The following DOP1B variants were observed in gnomAD, a reference collection of about 807,000 sequenced individuals.
The protein encoded by DOP1B is protein DOP1B.
DOP1B carries 174 observed loss-of-function variants against 233.5 expected under a neutral mutation model. The ratio of observed to expected loss-of-function variants is 0.75; its 90% CI spans 0.66 to 0.85. The LOEUF (loss-of-function observed/expected upper bound fraction) is 0.85, where lower values mean the gene tolerates loss of function less well. Ranked by LOEUF, DOP1B falls within the 40% of genes least tolerant of loss-of-function variation. The probability of loss-of-function intolerance (pLI) is 0.00; values close to 1 mark genes in which losing one functional copy is unlikely to be tolerated. For synonymous variants in DOP1B, 1,190 were observed against 1,185.6 expected (o/e 1.00, Z -0.08); for missense variants, 2,652 against 2,846.6 (o/e 0.93, Z 1.56).
chr21:36,243,349 A>T (rs1285994529), intron 18 of DOP1B, among the ~76,000 whole-genome samples: 4 of 148,144 alleles, frequency 2.7e-5, no homozygotes, highest in African/African-American at 5.0e-5. Context: ...TGACTCACTA[A>T]TTTTTTTTTC....
At chr21:36,257,883 TTAGG>T (rs770299316) in intron 23 of DOP1B, among the ~76,000 whole-genome samples, 42 of 139,420 alleles carry the variant, frequency 3.0e-4, no homozygotes, top group East Asian at 4.2e-4. Flanking sequence ...GTAGATGTAG[TTAGG>T]TAGGTAGGTA....
chr21:36,164,847 A>T lies in DOP1B; in HGVS notation c.114A>T (p.Ile38=). 6.2e-7 allele frequency: 1 copy of T among 1,611,064 alleles called. No individual in the cohort carries two copies. Among genetic ancestry groups the T allele is most frequent in the African/African-American group, 1.3e-5 (1 of 74,894 alleles). ...CCTCGAGTGAATGGGCGGATCTCATATCTTCACTTGGCAAACTCAACAAGG... is the reference window on the plus strand; with the variant it reads ...CCTCGAGTGAATGGGCGGATCTCATTTCTTCACTTGGCAAACTCAACAAGG... ...FESSSEWADL[I]SSLGKLNKAL... The change falls in exon 2 of 37, where the codon ATA becomes ATT. Residue 38 remains isoleucine, a synonymous_variant. Coordinates refer to ENST00000691173, the MANE Select transcript of DOP1B (RefSeq NM_001320714.2).
chr21:36,163,425 G>A (rs1435053186), intron 1 of DOP1B, among the ~76,000 whole-genome samples: 14 of 151,648 alleles, frequency 9.2e-5, no homozygotes, highest in Admixed American at 7.2e-4. Context: ...GGAAATTGAA[G>A]TATGAGATTT....
intron 2 of DOP1B, among the ~76,000 whole-genome samples, chr21:36,186,964 C>T (rs1277602370): frequency 3.3e-5 from 5 of 152,156 alleles, no homozygotes; most frequent in Middle Eastern, 3.4e-3. Context: ...TTTCGGGGCC[C>T]GTCTTAGGAG....
At chr21:36,277,524 A>G (rs934524567) in intron 28 of DOP1B, among the ~76,000 whole-genome samples, 2 of 151,722 alleles carry the variant, frequency 1.3e-5, no homozygotes, top group Non-Finnish European at 2.9e-5. Flanking sequence ...CTCGTGATCC[A>G]CCCACCTTGG....
chr21:36,212,568 G>A (rs1275215799), intron 7 of DOP1B, among the ~76,000 whole-genome samples: 1 of 152,216 alleles, frequency 6.6e-6, no homozygotes, highest in African/African-American at 2.4e-5. Flanking sequence ...CCATGTTTCT[G>A]TGTGTCAGAG....
At chr21:36,184,717 G>A (rs371221129) in intron 2 of DOP1B, among the ~76,000 whole-genome samples, 20 of 152,308 alleles carry the variant, frequency 1.3e-4, no homozygotes, top group African/African-American at 3.6e-4. Flanking sequence ...CCCGGCATAC[G>A]CAGCAAGTGC....
chr21:36,243,943 A>AGT, intron 18 of DOP1B, among the ~76,000 whole-genome samples: 1 of 151,060 alleles, frequency 6.6e-6, no homozygotes, highest in Admixed American at 6.6e-5. Context: ...CCTCCCAAAC[A>AGT]ATCCTCCTAC....
intron 13 of DOP1B, among the ~76,000 whole-genome samples, chr21:36,228,634 C>T (rs1300902709): frequency 2.0e-5 from 3 of 151,602 alleles, no homozygotes; most frequent in African/African-American, 2.4e-5. Context: ...GGTGCAGTGG[C>T]GGGCGCCTGT....
intron 2 of DOP1B, chr21:36,169,687 G>T: frequency 1.1e-6 from 1 of 895,736 alleles, no homozygotes; most frequent in Non-Finnish European, 1.9e-6. Context: ...GCGTCTGGGT[G>T]TGGGCAGCGA....
In DOP1B at chr21:36,223,282, G is replaced by C; in HGVS notation, c.1302G>C (p.Leu434Phe). The C allele has an allele frequency of 3.7e-6, 6 of 1,609,672 alleles. No individual in the cohort carries two copies. Among genetic ancestry groups the C allele is most frequent in the Non-Finnish European group, 5.1e-6 (6 of 1,178,982 alleles). Reference sequence around the variant, plus strand: ...CTGAGATTGTCAAAACGGTAAATTTGCTGATAACTTCTCTAAGCACAGACT... The same window carrying C: ...CTGAGATTGTCAAAACGGTAAATTTCCTGATAACTTCTCTAAGCACAGACT... Reference protein sequence around the residue: ...NASEIVKTVNLLITSLSTDFL... With the variant: ...NASEIVKTVNFLITSLSTDFL... The change falls in exon 11 of 37, where the codon TTG becomes TTC. Residue 434 changes from leucine (L) to phenylalanine (F), a missense_variant. Physicochemically the swap from Leu to Phe is conservative, Grantham distance 22 (BLOSUM62 0). Around this residue, in one of 3 missense-constraint regions of DOP1B, gnomAD observed 2,617 missense variants for 2,794.3 expected, o/e 0.94. Transcript: ENST00000691173.
intron 11 of DOP1B, 109 bp from the exon 12 acceptor site, chr21:36,225,456 C>G (rs2066671064): frequency 8.1e-7 from 1 of 1,229,358 alleles, no homozygotes; most frequent in Admixed American, 2.0e-5. Context: ...GTCTCAGACT[C>G]CTGAGCTCAG....
intron 30 of DOP1B, 31 bp downstream of exon 30, chr21:36,278,386 T>C: frequency 1.9e-6 from 3 of 1,582,836 alleles, no homozygotes; most frequent in Non-Finnish European, 2.6e-6. Context: ...AACAACGTGC[T>C]CTGAATCTTC....
intron 2 of DOP1B, among the ~76,000 whole-genome samples, chr21:36,197,469 A>C (rs1323119691): frequency 6.6e-6 from 1 of 152,162 alleles, no homozygotes; most frequent in Non-Finnish European, 1.5e-5. Context: ...CTGGCATTGC[A>C]CATGTCTTAG....
intron 12 of DOP1B, among the ~76,000 whole-genome samples, chr21:36,227,357 C>G (rs13046850): frequency 2.0e-5 from 3 of 151,488 alleles, no homozygotes; most frequent in Non-Finnish European, 2.9e-5. Flanking sequence ...ACCATCCTGG[C>G]TAACACGGTG....
At chr21:36,218,793 G>T (rs1458989631) in intron 9 of DOP1B, among the ~76,000 whole-genome samples, 1 of 152,170 alleles carries the variant, frequency 6.6e-6, no homozygotes, top group Non-Finnish European at 1.5e-5. Context: ...CCCCTGCCTG[G>T]TTGCAGGGAA....
chr21:36,223,807 G>A (rs952770559), intron 11 of DOP1B, among the ~76,000 whole-genome samples: 2 of 152,080 alleles, frequency 1.3e-5, no homozygotes, highest in African/African-American at 4.8e-5. Flanking sequence ...TCTTTTAACC[G>A]GGTGAATTGC....
intron 24 of DOP1B, chr21:36,261,222 C>T (rs138181190): frequency 1.3e-4 from 107 of 854,848 alleles, no homozygotes; most frequent in East Asian, 2.5e-4. Context: ...AAAATTAGTC[C>T]GGCATGGTGG....
intron 21 of DOP1B, among the ~76,000 whole-genome samples, chr21:36,250,342 G>T (rs538866839): frequency 6.6e-6 from 1 of 152,176 alleles, no homozygotes; most frequent in Non-Finnish European, 1.5e-5. Flanking sequence ...TTGCTTTACC[G>T]GTGGACAAGA....
Sources: allele counts gnomAD v4.1 joint callset (sites outside exome capture counted in the v4.1 genomes callset), GRCh38; gene constraint gnomAD v4.1.1; regional missense constraint gnomAD v4.1.1; transcripts MANE v1.5; gene names NCBI Gene and HGNC (gene_info 2026-07-23, HGNC 2026-07-21).